The following SPAM1 variants were observed in gnomAD, a reference collection of about 807,000 sequenced individuals.
The protein encoded by SPAM1 is hyaluronidase PH-20.
SPAM1 carries 22 observed loss-of-function variants against 29.6 expected under a neutral mutation model. The observed-to-expected ratio is 0.74, with a 90% confidence interval of 0.53 to 1.06. SPAM1 has a LOEUF of 1.06. SPAM1 is among the 50% of genes least tolerant of loss of function. The pLI, the probability that SPAM1 is intolerant of heterozygous loss-of-function variation, is 0.00. For synonymous variants in SPAM1, 194 were observed against 204.6 expected (o/e 0.95, Z 0.44); for missense variants, 534 against 604.0 (o/e 0.88, Z 1.21).
At chr7:123,943,712 A>T (rs1298358129) in intron 1 of SPAM1, among the ~76,000 whole-genome samples, 2 of 152,168 alleles carry the variant, frequency 1.3e-5, no homozygotes, top group African/African-American at 4.8e-5. Flanking sequence ...AAAGTGTTTC[A>T]AATATAAAAT....
chr7:123,968,523 A>AG (rs1456546247), intron 5 of SPAM1, among the ~76,000 whole-genome samples: 3 of 152,038 alleles, frequency 2.0e-5, no homozygotes, highest in African/African-American at 7.2e-5. Flanking sequence ...AGAAAGGAGC[A>AG]CAGGTGGAGA....
At chr7:123,933,869 A>G (rs73720308) in intron 1 of SPAM1, among the ~76,000 whole-genome samples, 22,966 of 152,172 alleles carry the variant, frequency 0.15, 1,964 homozygotes, top group African/African-American at 0.22. Flanking sequence ...GACCATATAT[A>G]TATATACCAT....
intron 1 of SPAM1, among the ~76,000 whole-genome samples, chr7:123,935,314 CT>C (rs997439376): frequency 2.0e-5 from 3 of 152,052 alleles, no homozygotes; most frequent in Admixed American, 6.5e-5. Flanking sequence ...GTCCTGAATC[CT>C]TTCATAAGCA....
intron 2 of SPAM1, among the ~76,000 whole-genome samples, chr7:123,950,862 T>C (rs1203484865): frequency 6.6e-6 from 1 of 152,180 alleles, no homozygotes; most frequent in African/African-American, 2.4e-5. Context: ...GAGGTTGTAC[T>C]AATTTACATT....
At chr7:123,957,215 G>T (rs978390477) in intron 4 of SPAM1, among the ~76,000 whole-genome samples, 7 of 151,918 alleles carry the variant, frequency 4.6e-5, no homozygotes, top group African/African-American at 1.7e-4. Context: ...GCTATACAGA[G>T]AATTTAAACA....
rs369519196 is a variant in SPAM1, at chr7:123,959,714, C to A, written c.1275C>A (p.Asp425Glu). The change falls in exon 5 of 5, where the codon GAC becomes GAA. Residue 425 changes from aspartate (D) to glutamate (E), a missense_variant. Asp to Glu is a conservative substitution (Grantham distance 45). Coordinates refer to ENST00000682466, the MANE Select transcript of SPAM1 (RefSeq NM_153189.3). The stretch of plus-strand genomic sequence containing the variant: ...TACGTGGAAAACCGACACTTGAAGA[C>A]CTGGAGCAATTTTCTGAAAAATTTT... ...FTVRGKPTLEDLEQFSEKFYC... is the reference protein window; with the variant it reads ...FTVRGKPTLEELEQFSEKFYC... 2 of 1,613,292 alleles carry A rather than the reference C, an allele frequency of 1.2e-6. No individual in the cohort carries two copies. Among genetic ancestry groups the A allele is most frequent in the Non-Finnish European group, 8.5e-7 (1 of 1,179,570 alleles).
intron 1 of SPAM1, among the ~76,000 whole-genome samples, chr7:123,945,927 C>T (rs897399098): frequency 2.0e-5 from 3 of 151,778 alleles, no homozygotes; most frequent in Admixed American, 1.3e-4. Flanking sequence ...AACTCTGGGA[C>T]CAGAGAGAAA....
At chr7:123,960,503 T>C (rs1005162390), downstream of SPAM1, among the ~76,000 whole-genome samples, 9 of 93,818 alleles carry the variant, frequency 9.6e-5, no homozygotes, top group African/African-American at 4.2e-4. Flanking sequence ...AAAGAATTAG[T>C]ATTTTTTTGC....
At chr7:123,951,273 T>C (rs1808755856) in intron 2 of SPAM1, among the ~76,000 whole-genome samples, 1 of 152,160 alleles carries the variant, frequency 6.6e-6, no homozygotes, top group South Asian at 2.1e-4. Flanking sequence ...TAAAGTCCAG[T>C]TTGTTCCATT....
chr7:123,968,910 TTC>T (rs1368629802), intron 5 of SPAM1, among the ~76,000 whole-genome samples: 2 of 152,052 alleles, frequency 1.3e-5, no homozygotes, highest in East Asian at 3.9e-4. Flanking sequence ...TTATTTTTAT[TTC>T]AGCTCATATT....
At chr7:123,950,387 A>C (rs1407420534) in intron 2 of SPAM1, among the ~76,000 whole-genome samples, 1 of 152,018 alleles carries the variant, frequency 6.6e-6, no homozygotes, top group Non-Finnish European at 1.5e-5. Context: ...TGTACCCAAT[A>C]GGTAATTTTT....
In SPAM1 at chr7:123,934,416, T is replaced by C. The variant is rs562438128; in HGVS notation, c.-319+9064T>C. Among the ~76,000 whole-genome samples, 11 of 152,312 alleles carry C rather than the reference T, an allele frequency of 7.2e-5. No individual in the cohort carries two copies. The South Asian group carries it at 1.4e-3, about 20-fold the overall frequency. On this transcript the variant is annotated intron_variant, in intron 1 of 4. Transcript: ENST00000682466. ...GGAATATAAATTAGTATAGCCATTA[T>C]GGAAAACAGTAGGAGTTTCCTCGAA...
In SPAM1 at chr7:123,960,027, A is replaced by G. The variant is rs1792337680; in HGVS notation, c.*58A>G. 1.3e-6 allele frequency: 2 copies of G among 1,515,278 alleles called. No individual in the cohort carries two copies. The highest frequency in any genetic ancestry group is 2.8e-5 in the African/African-American group (2 of 71,952). 93.9% of individuals were successfully genotyped at this position (1,515,278 alleles called of 1,614,324 possible). A position where few individuals can be genotyped will look rare whatever the true frequency, so the allele number is the denominator to read the frequency against. On this transcript the variant is annotated 3_prime_UTR_variant, in exon 5 of 5. Coordinates refer to ENST00000682466, the MANE Select transcript of SPAM1 (RefSeq NM_153189.3). ...CATCTTAAAGTGTGCTTTTTCGACT[A>G]ATTAAATCTTTGAAAAGAACAGCTC...
chr7:123,942,880 A>G (rs1808471296), intron 1 of SPAM1, among the ~76,000 whole-genome samples: 1 of 152,218 alleles, frequency 6.6e-6, no homozygotes, highest in African/African-American at 2.4e-5. Context: ...TTGGTAAAAT[A>G]ACTAGTGTCT....
intron 2 of SPAM1, among the ~76,000 whole-genome samples, chr7:123,952,244 T>C (rs769872479): frequency 5.3e-5 from 8 of 152,162 alleles, no homozygotes; most frequent in Non-Finnish European, 1.0e-4. Context: ...CATGAGACTA[T>C]AATAGTCCTT....
chr7:123,944,493 T>C (rs923014811), intron 1 of SPAM1, among the ~76,000 whole-genome samples: 1 of 152,172 alleles, frequency 6.6e-6, no homozygotes, highest in Non-Finnish European at 1.5e-5. Context: ...AATCTGTTTG[T>C]TAGGCCCAGT....
intron 2 of SPAM1, among the ~76,000 whole-genome samples, chr7:123,951,459 T>C (rs1388501843): frequency 6.6e-6 from 1 of 152,122 alleles, no homozygotes; most frequent in Non-Finnish European, 1.5e-5. Flanking sequence ...TAATCCTCAA[T>C]TTTGTGCCAA....
intron 1 of SPAM1, among the ~76,000 whole-genome samples, chr7:123,941,852 T>A (rs1366106249): frequency 1.3e-5 from 2 of 152,160 alleles, no homozygotes; most frequent in African/African-American, 4.8e-5. Flanking sequence ...TTTTGTCTCA[T>A]CCCTTGTGGC....
chr7:123,937,681 A>G (rs1808300859), intron 1 of SPAM1, among the ~76,000 whole-genome samples: 1 of 151,988 alleles, frequency 6.6e-6, no homozygotes, highest in Non-Finnish European at 1.5e-5. Flanking sequence ...TAGATTTAGG[A>G]ATTACTGATG....
Sources: allele counts gnomAD v4.1 joint callset (sites outside exome capture counted in the v4.1 genomes callset), GRCh38; gene constraint gnomAD v4.1.1; transcripts MANE v1.5; gene names NCBI Gene and HGNC (gene_info 2026-07-23, HGNC 2026-07-21).